The following HMGXB3 variants were observed in gnomAD, a reference collection of about 807,000 sequenced individuals.
HMGXB3 encodes the protein HMG-box containing 3.
In HMGXB3, 45 loss-of-function variants were observed where a neutral mutation model predicts 121.5. That is an observed-to-expected ratio of 0.37 (90% CI 0.29 to 0.47). HMGXB3 has a LOEUF of 0.47. Among genes scored for constraint, HMGXB3 ranks in the 20% least tolerant of loss-of-function variants. The pLI is 0.99. For synonymous variants in HMGXB3, 590 were observed against 624.1 expected (o/e 0.95, Z 0.81); for missense variants, 1,376 against 1,602.2 (o/e 0.86, Z 2.41).
intron 1 of HMGXB3, among the ~76,000 whole-genome samples, chr5:150,002,430 A>C (rs61059780): frequency 0.038 from 5,732 of 152,276 alleles, 371 homozygotes; most frequent in African/African-American, 0.13. Context: ...TGCAGTGCTC[A>C]TTATACCTTA....
At chr5:150,029,745 T>G (rs1756328591) in intron 9 of HMGXB3, among the ~76,000 whole-genome samples, 1 of 152,236 alleles carries the variant, frequency 6.6e-6, no homozygotes, top group Non-Finnish European at 1.5e-5. Flanking sequence ...CATGTGTTCT[T>G]TGTCAGTTAA....
chr5:150,027,213 C>G (rs1756253415), intron 9 of HMGXB3, 96 bp downstream of exon 9: 1 of 901,264 alleles, frequency 1.1e-6, no homozygotes, highest in African/African-American at 1.7e-5. Context: ...CCATTTCTTA[C>G]ACGTTGGCAG....
chr5:150,014,449 T>G (rs1394748439), intron 5 of HMGXB3, among the ~76,000 whole-genome samples: 1 of 152,264 alleles, frequency 6.6e-6, no homozygotes, highest in African/African-American at 2.4e-5. Flanking sequence ...ATAAAAATAC[T>G]TTTAAACGAT....
At chr5:150,047,322 G>T (rs1756780317) in intron 16 of HMGXB3, among the ~76,000 whole-genome samples, 1 of 152,188 alleles carries the variant, frequency 6.6e-6, no homozygotes, top group African/African-American at 2.4e-5. Context: ...GTCATGGTAA[G>T]CATCTGAGGT....
At position 150,052,419 on chromosome 5, in the gene HMGXB3, G is replaced by A. The variant is rs184592217; in HGVS notation, c.*227G>A. On this transcript the variant is annotated 3_prime_UTR_variant, in exon 20 of 20. Transcript: ENST00000502717. ...GTACCAGGAAACCTCTTCTGGCCCC[G>A]AGAGAGCACTTGGGGGACACGGTAT... is the stretch of plus-strand genomic sequence containing the variant. The A allele has an allele frequency of 1.6e-3, 896 of 546,762 alleles. 8 individuals carry two copies. The highest frequency in any genetic ancestry group is 3.7e-4 in the Non-Finnish European group (114 of 305,624). The allele number at this position is 546,762 out of a possible 1,614,324, so 33.9% of individuals were successfully genotyped here. A position where few individuals can be genotyped will look rare whatever the true frequency, so the allele number is the denominator to read the frequency against.
chr5:150,007,183 G>A (rs1193484469), intron 3 of HMGXB3, among the ~76,000 whole-genome samples: 4 of 152,226 alleles, frequency 2.6e-5, no homozygotes, highest in Admixed American at 6.5e-5. Context: ...AGCCAAAGAT[G>A]GTGGAGGAGA....
rs924123177 is a variant in HMGXB3 at position 150,000,769 on chromosome 5, G to T, written c.-413G>T. The T allele has an allele frequency of 1.9e-5, 3 of 154,682 alleles. No individual in the cohort carries two copies. The highest frequency in any genetic ancestry group is 1.3e-4 in the Admixed American group (2 of 15,280). The allele number at this position is 154,682 out of a possible 1,614,324, so 9.6% of individuals were successfully genotyped here. A position where few individuals can be genotyped will look rare whatever the true frequency, so the allele number is the denominator to read the frequency against. On this transcript the variant is annotated 5_prime_UTR_variant, in exon 1 of 20. Coordinates refer to ENST00000502717, the MANE Select transcript of HMGXB3 (RefSeq NM_014983.3). ...GTGGTGTGCCGCTACTGCCGGTGCA[G>T]CCGCCAAACCGGTGCCTCGGTGACG...
chr5:150,009,873 G>A (rs1394132715), intron 3 of HMGXB3, among the ~76,000 whole-genome samples: 2 of 152,146 alleles, frequency 1.3e-5, no homozygotes, highest in Non-Finnish European at 2.9e-5. Context: ...AGTCCATGCT[G>A]TTTCCTGTGT....
chr5:150,041,065 A>T (rs1756621591), intron 14 of HMGXB3, among the ~76,000 whole-genome samples, 186 bp downstream of exon 14: 1 of 152,222 alleles, frequency 6.6e-6, no homozygotes. Flanking sequence ...TTTGGAAAGC[A>T]TGAATCTTTT....
At chr5:150,001,620 A>G (rs746225275) in intron 1 of HMGXB3, among the ~76,000 whole-genome samples, 6 of 152,170 alleles carry the variant, frequency 3.9e-5, no homozygotes, top group Non-Finnish European at 5.9e-5. Context: ...AGTCTGTACT[A>G]GAACCCGGAT....
rs368215186 is a variant in HMGXB3, at chr5:150,036,634, A to G, written c.1984-2A>G. ...TTGGTGATCAATCCACTCTCTTCCC[A>G]GGAGGTGAGCTCACCACTCCCAGAT... On this transcript the variant is annotated splice_acceptor_variant, in intron 11 of 19. Coordinates refer to ENST00000502717, the MANE Select transcript of HMGXB3 (RefSeq NM_014983.3). LOFTEE classifies it high-confidence loss of function. The G allele has an allele frequency of 6.5e-7, 1 of 1,536,866 alleles. No homozygotes were observed. The highest frequency in any genetic ancestry group is 1.4e-5 in the African/African-American group (1 of 72,792).
chr5:150,032,353 CTCTCT>C lies in HMGXB3; in HGVS notation c.1834-95_1834-91del, dbSNP rs770663336. The C allele has an allele frequency of 1.3e-3, 1,461 of 1,120,378 alleles. 4 individuals carry two copies. The highest frequency in any genetic ancestry group is 1.6e-3 in the Non-Finnish European group (1,303 of 792,026). 69.4% of individuals were successfully genotyped at this position (1,120,378 alleles called of 1,614,324 possible). On this transcript the variant is annotated intron_variant, in intron 10 of 19. Transcript: ENST00000502717. ...GGCTGAATCTGGTTTGCAGTTGCCA[CTCTCT>C]TCTCTGATTTACTGGCAGCTGCTCA...
chr5:150,013,225 A>G (rs1234282779), intron 5 of HMGXB3, among the ~76,000 whole-genome samples: 3 of 152,192 alleles, frequency 2.0e-5, no homozygotes, highest in East Asian at 3.8e-4. Context: ...GGTTTTTCCT[A>G]CATGCCCTTT....
At chr5:150,026,206 G>A (rs958688453) in intron 7 of HMGXB3, among the ~76,000 whole-genome samples, 3 of 152,186 alleles carry the variant, frequency 2.0e-5, no homozygotes. Flanking sequence ...GGATGAAGCT[G>A]TGCACTTTAG....
chr5:150,026,931 G>T, intron 8 of HMGXB3, 50 bp downstream of exon 8: 1 of 1,520,712 alleles, frequency 6.6e-7, no homozygotes, highest in Non-Finnish European at 8.9e-7. Flanking sequence ...ACAGGAAAGG[G>T]ACAGGAGTGG....
Position 150,045,498 on chromosome 5 carries a change from G to C in HMGXB3, c.2763G>C (p.Glu921Asp). The change falls in exon 16 of 20, where the codon GAG (glutamate) becomes GAC (aspartate). Residue 921 changes from glutamate to aspartate, a missense_variant. Glu to Asp is a conservative substitution (Grantham distance 45, BLOSUM62 2). Coordinates refer to ENST00000502717, the MANE Select transcript of HMGXB3 (RefSeq NM_014983.3). Reference protein sequence around the residue: ...FTWPEFLGSNEVNVEDFWATM... With the variant: ...FTWPEFLGSNDVNVEDFWATM... The stretch of plus-strand genomic sequence containing the variant: ...GGCCTGAATTCCTGGGCTCTAATGA[G>C]GTAAATGTGGAGGACTTTTGGGCCA... 1 of 1,552,306 alleles carries C rather than the reference G, an allele frequency of 6.4e-7. No individual in the cohort carries two copies. Among genetic ancestry groups the C allele is most frequent in the Non-Finnish European group, 8.7e-7 (1 of 1,147,128 alleles).
chr5:150,024,484 G>C lies in HMGXB3; in HGVS notation c.1264G>C (p.Asp422His). 1 of 1,551,698 alleles carries C rather than the reference G, an allele frequency of 6.4e-7. No individual in the cohort carries two copies. The highest frequency in any genetic ancestry group is 8.7e-7 in the Non-Finnish European group (1 of 1,147,000). ...ESEWEEVIIS[D>H]AHVLVKEAPG... ...TGAGTGGGAGGAAGTGATCATCTCC[G>C]ATGCCCATGTTTTGGTTAAGGAAGC... The change falls in exon 7 of 20, where the codon GAT (aspartate) becomes CAT (histidine). Residue 422 changes from aspartate to histidine, a missense_variant. This residue lies in a region of HMGXB3 where 1,116 missense variants were observed against 1,369.0 expected (regional missense o/e 0.82). Coordinates refer to ENST00000502717, the MANE Select transcript of HMGXB3 (RefSeq NM_014983.3).
chr5:150,035,812 T>A (rs1756490451), intron 11 of HMGXB3, among the ~76,000 whole-genome samples: 1 of 152,102 alleles, frequency 6.6e-6, no homozygotes, highest in Non-Finnish European at 1.5e-5. Flanking sequence ...AGAACATTGT[T>A]CCTGGAAGCC....
rs115765376 is a variant in HMGXB3 at position 150,052,503 on chromosome 5, C to T, written c.*311C>T. 9.0e-4 allele frequency: 319 copies of T among 354,722 alleles called. 1 individual carries two copies. Among genetic ancestry groups the T allele is most frequent in the African/African-American group, 6.1e-3 (299 of 49,082 alleles). 22.0% of individuals were successfully genotyped at this position (354,722 alleles called of 1,614,324 possible). A position where few individuals can be genotyped will look rare whatever the true frequency, so the allele number is the denominator to read the frequency against. On this transcript the variant is annotated 3_prime_UTR_variant, in exon 20 of 20. Transcript: ENST00000502717. ...TAGCTGGTGGGTTCCGTGGGGCCTG[C>T]GGTGTGGGTCAGGGTGGAGGTCCTG... is the stretch of plus-strand genomic sequence containing the variant.
Sources: gnomAD v4.1 joint callset for allele counts (sites outside exome capture counted in the v4.1 genomes callset) on GRCh38, gnomAD v4.1.1 for gene constraint, gnomAD v4.1.1 regional missense constraint, MANE v1.5 for transcripts, NCBI Gene and HGNC (gene_info 2026-07-23, HGNC 2026-07-21) for gene names.